SYT1: variants seen among roughly 807,000 people sequenced by gnomAD.
SYT1 encodes the protein synaptotagmin 1, also known as synaptotagmin-1.
In SYT1, 8 loss-of-function variants were observed where a neutral mutation model predicts 44.8. The observed-to-expected ratio is 0.18, with a 90% confidence interval of 0.10 to 0.32. The LOEUF is 0.32. Among genes scored for constraint, SYT1 ranks in the 10% least tolerant of loss-of-function variants. The pLI, the probability that SYT1 is intolerant of heterozygous loss-of-function variation, is 1.00. For missense variants in SYT1, 286 were observed against 509.3 expected (o/e 0.56, Z 4.22); for synonymous variants, 154 against 188.8 (o/e 0.82, Z 1.51).
intron 1 of SYT1, among the ~76,000 whole-genome samples, chr12:78,918,902 C>A (rs1411767397): frequency 4.6e-5 from 7 of 151,940 alleles, no homozygotes; most frequent in African/African-American, 1.7e-4. Flanking sequence ...TATTAAATTT[C>A]AGTGCAGTAT....
At chr12:79,343,998 CAG>C (rs954862401) in intron 8 of SYT1, among the ~76,000 whole-genome samples, 1 of 152,126 alleles carries the variant, frequency 6.6e-6, no homozygotes, top group Non-Finnish European at 1.5e-5. Flanking sequence ...TCCAGTAAAA[CAG>C]AGAGAAAAAC....
chr12:78,930,893 A>G (rs373393681), intron 1 of SYT1, among the ~76,000 whole-genome samples: 18 of 152,062 alleles, frequency 1.2e-4, no homozygotes, highest in African/African-American at 4.1e-4. Flanking sequence ...CTATTCCATA[A>G]GGCTGTCAGG....
chr12:78,981,155 T>A (rs1869232718), intron 2 of SYT1, among the ~76,000 whole-genome samples: 1 of 149,198 alleles, frequency 6.7e-6, no homozygotes, highest in Non-Finnish European at 1.5e-5. Flanking sequence ...GAGACGGAGT[T>A]TTGCTCATGT....
At chr12:79,038,850 C>G (rs1242022264) in intron 2 of SYT1, among the ~76,000 whole-genome samples, 2 of 151,930 alleles carry the variant, frequency 1.3e-5, no homozygotes, top group Non-Finnish European at 2.9e-5. Flanking sequence ...CACTATGCTA[C>G]CGAAGCCTCA....
At chr12:79,033,541 T>C (rs879583495) in intron 2 of SYT1, among the ~76,000 whole-genome samples, 15 of 151,370 alleles carry the variant, frequency 9.9e-5, no homozygotes, top group Non-Finnish European at 1.8e-4. Context: ...TCTTAACTTA[T>C]GGTGAGCTTC....
intron 3 of SYT1, among the ~76,000 whole-genome samples, chr12:79,119,307 A>G (rs565720055): frequency 6.6e-6 from 1 of 152,274 alleles, no homozygotes; most frequent in Non-Finnish European, 1.5e-5. Flanking sequence ...TTGCTTTTTA[A>G]AAACCTTTAA....
intron 2 of SYT1, among the ~76,000 whole-genome samples, chr12:78,982,399 G>A (rs1869328985): frequency 6.6e-6 from 1 of 152,122 alleles, no homozygotes; most frequent in African/African-American, 2.4e-5. Flanking sequence ...AAATTCTACT[G>A]GAGAGACAGG....
chr12:79,267,060 A>G (rs1878173632), intron 4 of SYT1, among the ~76,000 whole-genome samples: 1 of 152,170 alleles, frequency 6.6e-6, no homozygotes, highest in Non-Finnish European at 1.5e-5. Flanking sequence ...AATTCTAAAA[A>G]CGTCCTCACT....
At chr12:79,239,710 G>T (rs1358248) in intron 4 of SYT1, among the ~76,000 whole-genome samples, 106,474 of 152,152 alleles carry the variant, frequency 0.7, 37,690 homozygotes, top group African/African-American at 0.76. Flanking sequence ...AGCCTAACAG[G>T]GTCCTCTGCT....
chr12:79,405,019 A>G (rs993860593), intron 9 of SYT1, among the ~76,000 whole-genome samples: 1 of 152,140 alleles, frequency 6.6e-6, no homozygotes, highest in Non-Finnish European at 1.5e-5. Flanking sequence ...CACACTGAGC[A>G]ATTATACCAG....
chr12:79,055,320 C>T (rs1032396579), intron 3 of SYT1, among the ~76,000 whole-genome samples: 4 of 151,886 alleles, frequency 2.6e-5, no homozygotes, highest in African/African-American at 9.7e-5. Flanking sequence ...TTCTGAAAAA[C>T]ATTATCTTTC....
At chr12:79,062,870 G>T (rs1200813351) in intron 3 of SYT1, among the ~76,000 whole-genome samples, 2 of 152,094 alleles carry the variant, frequency 1.3e-5, no homozygotes, top group Non-Finnish European at 2.9e-5. Context: ...CAACTTTCAT[G>T]CTATCTATAA....
intron 1 of SYT1, among the ~76,000 whole-genome samples, chr12:78,937,357 C>T (rs1878118560): frequency 6.6e-6 from 1 of 152,024 alleles, no homozygotes; most frequent in South Asian, 2.1e-4. Flanking sequence ...CTTGAGAAGA[C>T]TTTGTGGCCT....
chr12:78,897,174 A>G (rs1003201772), intron 1 of SYT1, among the ~76,000 whole-genome samples: 13 of 151,902 alleles, frequency 8.6e-5, no homozygotes, highest in African/African-American at 3.1e-4. Context: ...TTAAACTAAA[A>G]CATGTCATAA....
chr12:79,390,180 G>A lies in SYT1; in HGVS notation c.928+36561G>A, dbSNP rs547281942. Among the ~76,000 whole-genome samples, 5 of 152,066 alleles carry A rather than the reference G, an allele frequency of 3.3e-5. No homozygotes were observed. In the East Asian group the frequency reaches 5.8e-4, roughly 18 times the overall value. On this transcript the variant is annotated intron_variant, in intron 9 of 10. Transcript: ENST00000261205. ...GATCTCCTGACCTTGTGATCCGCCCGCCCCAGCCTCCCAAAGTGCTGGGAT... is the reference window on the plus strand; with the variant it reads ...GATCTCCTGACCTTGTGATCCGCCCACCCCAGCCTCCCAAAGTGCTGGGAT...
intron 9 of SYT1, among the ~76,000 whole-genome samples, chr12:79,407,095 A>C (rs1885269206): frequency 6.6e-6 from 1 of 152,072 alleles, no homozygotes; most frequent in East Asian, 1.9e-4. Flanking sequence ...ATGGCATGTG[A>C]CAGTGCTTAG....
rs549399076 is a variant in SYT1, at chr12:79,229,581, T to G, written c.166+11896T>G. Among the ~76,000 whole-genome samples, 10 of 126,826 alleles carry G rather than the reference T, an allele frequency of 7.9e-5. No homozygotes were observed. The East Asian group carries it at 1.0e-3, about 13-fold the overall frequency. The allele number at this position is 126,826 out of a possible 152,430, so 83.2% of individuals were successfully genotyped here. On this transcript the variant is annotated intron_variant, in intron 4 of 10. Transcript: ENST00000261205. The stretch of plus-strand genomic sequence containing the variant: ...AGAAAGTTCACCTAAAGCAGTAGGG[T>G]TTTTTTTATTTTTTATTTTTTTATT...
chr12:79,222,377 C>T (rs200811500), intron 4 of SYT1, among the ~76,000 whole-genome samples: 2 of 23,686 alleles, frequency 8.4e-5, no homozygotes, highest in African/African-American at 2.0e-4. Context: ...TATTTATTTA[C>T]TTTTTTTTTC....
chr12:78,994,597 G>T (rs771450557), intron 2 of SYT1, among the ~76,000 whole-genome samples: 1 of 140,418 alleles, frequency 7.1e-6, no homozygotes, highest in Non-Finnish European at 1.5e-5. Context: ...GTGCAGTGGC[G>T]TGACCTCAGC....
Sources: gnomAD v4.1 joint callset for allele counts (sites outside exome capture counted in the v4.1 genomes callset) on GRCh38, gnomAD v4.1.1 for gene constraint, MANE v1.5 for transcripts, NCBI Gene and HGNC (gene_info 2026-07-23, HGNC 2026-07-21) for gene names.